The following HPSE2 variants were observed in gnomAD, a reference collection of about 807,000 sequenced individuals.
HPSE2 encodes the protein heparanase 2 (inactive).
Under a neutral mutation model 60.5 loss-of-function variants are expected in HPSE2, and 38 were observed. That is an observed-to-expected ratio of 0.63 (90% CI 0.48 to 0.82). The LOEUF (loss-of-function observed/expected upper bound fraction) is 0.82, where lower values mean the gene tolerates loss of function less well. Ranked by LOEUF, HPSE2 falls within the 40% of genes least tolerant of loss-of-function variation. The probability of loss-of-function intolerance (pLI) is 0.00; values close to 1 mark genes in which losing one functional copy is unlikely to be tolerated. For synonymous variants in HPSE2, 295 were observed against 293.2 expected, an observed-to-expected ratio of 1.01 and a Z score of -0.06; for missense variants, 713 against 740.4, an observed-to-expected ratio of 0.96 and a Z score of 0.43.
At chr10:98,867,633 C>T (rs987793965) in intron 3 of HPSE2, among the ~76,000 whole-genome samples, 3 of 152,174 alleles carry the variant, frequency 2.0e-5, no homozygotes, top group Non-Finnish European at 4.4e-5. Context: ...CTAGCAATCC[C>T]ACTGCTGGAT....
chr10:98,954,978 T>TA, intron 3 of HPSE2, among the ~76,000 whole-genome samples: 1 of 145,318 alleles, frequency 6.9e-6, no homozygotes, highest in Non-Finnish European at 1.5e-5. Flanking sequence ...ATATACATAT[T>TA]TATATATATA....
At chr10:98,755,615 G>A (rs771590913) in intron 3 of HPSE2, among the ~76,000 whole-genome samples, 9 of 152,046 alleles carry the variant, frequency 5.9e-5, no homozygotes, top group East Asian at 1.9e-4. Context: ...AGACATGCTC[G>A]GTCATAAAAC....
chr10:98,937,392 G>GC (rs747369774), intron 3 of HPSE2, among the ~76,000 whole-genome samples: 2 of 144,520 alleles, frequency 1.4e-5, no homozygotes, highest in Admixed American at 6.8e-5. Context: ...CTAATACTGC[G>GC]CTTTTCCGAC....
intron 2 of HPSE2, among the ~76,000 whole-genome samples, chr10:99,202,442 G>C (rs927707780): frequency 5.9e-5 from 9 of 152,154 alleles, no homozygotes; most frequent in Admixed American, 2.0e-4. Flanking sequence ...TGTTGAAGAC[G>C]ACAGATTTTA....
intron 4 of HPSE2, among the ~76,000 whole-genome samples, chr10:98,736,794 C>T (rs1443825744): frequency 6.6e-6 from 1 of 152,164 alleles, no homozygotes; most frequent in East Asian, 1.9e-4. Context: ...TATATTCACT[C>T]TGTGTCATAG....
chr10:99,304,754 T>C, the HPSE2 span, among the ~76,000 whole-genome samples: 1 of 152,220 alleles, frequency 6.6e-6, no homozygotes, highest in African/African-American at 2.4e-5. Flanking sequence ...GGACTTTGGC[T>C]AGTGGCTGAG....
chr10:98,626,071 A>C (rs1946200695), intron 7 of HPSE2, among the ~76,000 whole-genome samples: 1 of 149,798 alleles, frequency 6.7e-6, no homozygotes, highest in East Asian at 2.0e-4. Context: ...GCACCACTAC[A>C]CTCCAGCCTG....
chr10:99,300,624 A>C, the HPSE2 span, among the ~76,000 whole-genome samples: 1 of 152,206 alleles, frequency 6.6e-6, no homozygotes, highest in Non-Finnish European at 1.5e-5. Flanking sequence ...GCCACAGTTC[A>C]GTTTGGGATG....
At chr10:99,075,903 T>A (rs970913385) in intron 3 of HPSE2, among the ~76,000 whole-genome samples, 2 of 152,160 alleles carry the variant, frequency 1.3e-5, no homozygotes, top group African/African-American at 2.4e-5. Flanking sequence ...AGCCTATGTA[T>A]GTGTTTCAAT....
At chr10:98,869,429 A>G (rs557340347) in intron 3 of HPSE2, among the ~76,000 whole-genome samples, 2 of 152,322 alleles carry the variant, frequency 1.3e-5, no homozygotes, top group African/African-American at 4.8e-5. Context: ...CACTTACTAC[A>G]ACAATGTTGT....
intron 9 of HPSE2, among the ~76,000 whole-genome samples, chr10:98,606,851 G>A (rs982297840): frequency 4.6e-5 from 7 of 151,966 alleles, no homozygotes; most frequent in East Asian, 1.9e-4. Flanking sequence ...AAAACATAAC[G>A]TATTATCTTG....
chr10:98,664,038 C>T (rs975541282), intron 6 of HPSE2, among the ~76,000 whole-genome samples: 1 of 152,062 alleles, frequency 6.6e-6, no homozygotes, highest in African/African-American at 2.4e-5. Context: ...GACTCGCTGG[C>T]TCGGGCTTCC....
chr10:99,221,893 G>T lies in HPSE2; in HGVS notation c.448+10455C>A, dbSNP rs17111291. Among the ~76,000 whole-genome samples, 867 of 152,220 alleles carry T rather than the reference G, an allele frequency of 5.7e-3. 6 individuals are homozygous for T. The highest frequency in any genetic ancestry group is 0.02 in the African/African-American group (812 of 41,536). On this transcript the variant is annotated intron_variant, in intron 2 of 11. Coordinates refer to ENST00000370552, the MANE Select transcript of HPSE2 (RefSeq NM_021828.5). ...TAGCAGACAAGGGATGTCGGTGAAG[G>T]TTTCGAGCTAGGCAGTGACAGGAGG...
intron 6 of HPSE2, among the ~76,000 whole-genome samples, chr10:98,643,450 T>A (rs1033007781): frequency 1.3e-5 from 2 of 152,240 alleles, no homozygotes; most frequent in African/African-American, 4.8e-5. Flanking sequence ...CAGTGGAATT[T>A]CTGTGCTGGG....
chr10:99,061,539 G>A (rs1842444075), intron 3 of HPSE2, among the ~76,000 whole-genome samples: 1 of 152,132 alleles, frequency 6.6e-6, no homozygotes, highest in African/African-American at 2.4e-5. Context: ...TGATTTTATG[G>A]CTTTAAGTAA....
chr10:99,153,017 C>A (rs868281638), intron 2 of HPSE2, among the ~76,000 whole-genome samples: 20 of 152,336 alleles, frequency 1.3e-4, no homozygotes, highest in African/African-American at 3.6e-4. Flanking sequence ...TCGGGTCAAT[C>A]CCATCCAAAT....
chr10:99,138,711 G>A (rs1397036148), intron 3 of HPSE2, among the ~76,000 whole-genome samples: 1 of 152,082 alleles, frequency 6.6e-6, no homozygotes, highest in East Asian at 1.9e-4. Context: ...ATGGACATAG[G>A]GATGGGAACA....
chr10:98,544,734 A>T (rs2133834800), intron 9 of HPSE2, among the ~76,000 whole-genome samples: 1 of 149,360 alleles, frequency 6.7e-6, no homozygotes, highest in Non-Finnish European at 1.5e-5. Context: ...AAAAAAAAAA[A>T]AAAAAAAGAA....
intron 9 of HPSE2, among the ~76,000 whole-genome samples, chr10:98,542,084 G>A (rs572751249): frequency 3.3e-5 from 5 of 151,748 alleles, no homozygotes; most frequent in African/African-American, 1.2e-4. Context: ...CCCCCAGTAG[G>A]GGCAGACTGA....
Sources: gnomAD v4.1 joint callset for allele counts (sites outside exome capture counted in the v4.1 genomes callset) on GRCh38, gnomAD v4.1.1 for gene constraint, MANE v1.5 for transcripts, NCBI Gene and HGNC (gene_info 2026-07-23, HGNC 2026-07-21) for gene names.